USP6NL: variants seen among roughly 807,000 people sequenced by gnomAD.
USP6NL encodes the protein USP6 N-terminal-like protein.
A neutral mutation model predicts 61.9 loss-of-function variants in USP6NL; 26 were observed. That is an observed-to-expected ratio of 0.42 (90% CI 0.31 to 0.58). The LOEUF (loss-of-function observed/expected upper bound fraction) is 0.58, where lower values mean the gene tolerates loss of function less well. Ranked by LOEUF, USP6NL falls within the 20% of genes least tolerant of loss-of-function variation. The pLI is 0.16. For synonymous variants in USP6NL, 432 were observed against 390.1 expected (o/e 1.11, Z -1.27); for missense variants, 1,114 against 1,034.3 (o/e 1.08, Z -1.06).
intron 2 of USP6NL, among the ~76,000 whole-genome samples, chr10:11,590,405 G>A (rs376974283): frequency 2.5e-4 from 38 of 152,160 alleles, no homozygotes; most frequent in African/African-American, 7.7e-4. Flanking sequence ...ATCTATTTGT[G>A]TTCAATGCAA....
At chr10:11,572,685 ATC>A (rs1275506517) in intron 2 of USP6NL, among the ~76,000 whole-genome samples, 10 of 152,108 alleles carry the variant, frequency 6.6e-5, no homozygotes, top group African/African-American at 2.4e-4. Flanking sequence ...TACATTTTAT[ATC>A]TGAGTTATAT....
At chr10:11,530,953 A>C (rs1266560015) in intron 2 of USP6NL, among the ~76,000 whole-genome samples, 2 of 152,222 alleles carry the variant, frequency 1.3e-5, no homozygotes, top group Non-Finnish European at 2.9e-5. Context: ...CGTGTGCCCC[A>C]AAACAGTGAC....
In USP6NL at chr10:11,481,368, T is replaced by C. The variant is rs10905961; in HGVS notation, c.1078+402A>G. 0.041 allele frequency among the ~76,000 whole-genome samples: 6,306 copies of C among 152,292 alleles called. 177 individuals are homozygous for C. The highest frequency in any genetic ancestry group is 0.054 in the Non-Finnish European group (3,681 of 68,018). On this transcript the variant is annotated intron_variant, in intron 14 of 14. Transcript: ENST00000609104. This position sits in a 1 kb window ranked among gnomAD's most constrained non-coding sequence, Gnocchi z 4.4. ...AGGCACTAAAGTATCAATTTCCTCATCTATAAGATGGGGCTTTTACTGTAC... is the reference window on the plus strand; with the variant it reads ...AGGCACTAAAGTATCAATTTCCTCACCTATAAGATGGGGCTTTTACTGTAC...
chr10:11,481,978 A>C lies in USP6NL; in HGVS notation c.926-56T>G, dbSNP rs1833218294. 6.6e-7 allele frequency: 1 copy of C among 1,513,716 alleles called. No individual in the cohort carries two copies. 93.8% of individuals were successfully genotyped at this position (1,513,716 alleles called of 1,614,324 possible). A position where few individuals can be genotyped will look rare whatever the true frequency, so the allele number is the denominator to read the frequency against. ...AAGTCAATAGCTACTTTAGGTAGGAAGATATTCTATTATATTCAGGTGTAG... is the reference window on the plus strand; with the variant it reads ...AAGTCAATAGCTACTTTAGGTAGGACGATATTCTATTATATTCAGGTGTAG... On this transcript the variant is annotated intron_variant, in intron 13 of 14. Transcript: ENST00000609104. This position sits in a 1 kb window ranked among gnomAD's most constrained non-coding sequence, Gnocchi z 4.4.
intron 2 of USP6NL, among the ~76,000 whole-genome samples, chr10:11,555,102 T>TCTG (rs1348817423): frequency 1.5e-5 from 2 of 133,038 alleles, no homozygotes; most frequent in African/African-American, 5.4e-5. Flanking sequence ...GTTTTTTTTT[T>TCTG]TTTTTGGTTT....
chr10:11,508,610 G>A (rs908134382), intron 6 of USP6NL, among the ~76,000 whole-genome samples: 7 of 152,190 alleles, frequency 4.6e-5, no homozygotes, highest in African/African-American at 1.4e-4. Context: ...ACTTAAGAAT[G>A]CCCTCGATGA....
At position 11,540,449 on chromosome 10, in the gene USP6NL, T is replaced by C. The variant is rs1007109656; in HGVS notation, c.5-12882A>G. ...CAACTGCCTTCATGATTAATTCCCATGACTACAGAAAGGGCTCTATTGAAT... is the reference window on the plus strand; with the variant it reads ...CAACTGCCTTCATGATTAATTCCCACGACTACAGAAAGGGCTCTATTGAAT... On this transcript the variant is annotated intron_variant, in intron 2 of 14. Coordinates refer to ENST00000609104, the MANE Select transcript of USP6NL (RefSeq NM_014688.5). This position sits in a 1 kb window ranked among gnomAD's most constrained non-coding sequence, Gnocchi z 5.0. Among the ~76,000 whole-genome samples the C allele has an allele frequency of 2.0e-5, 3 of 152,198 alleles. No homozygotes were observed. The highest frequency in any genetic ancestry group is 4.4e-5 in the Non-Finnish European group (3 of 68,022).
intron 2 of USP6NL, among the ~76,000 whole-genome samples, chr10:11,542,812 C>A (rs1836119757): frequency 6.6e-6 from 1 of 152,042 alleles, no homozygotes; most frequent in African/African-American, 2.4e-5. Context: ...GTCAGAGACC[C>A]CCAGCAACAG....
chr10:11,535,372 T>C (rs12221456), intron 2 of USP6NL, among the ~76,000 whole-genome samples: 27,529 of 152,150 alleles, frequency 0.18, 2,937 homozygotes, highest in South Asian at 0.24. Flanking sequence ...GGGAATGAAC[T>C]AAGAGAAACT....
intron 2 of USP6NL, among the ~76,000 whole-genome samples, chr10:11,527,859 A>G (rs1835482466): frequency 6.6e-6 from 1 of 152,238 alleles, no homozygotes; most frequent in African/African-American, 2.4e-5. Context: ...GATGTTAAGT[A>G]GAAACTGAAA....
chr10:11,509,813 GT>G, intron 5 of USP6NL, 138 bp from the exon 6 acceptor site: 1 of 676,010 alleles, frequency 1.5e-6, no homozygotes, highest in Non-Finnish European at 2.5e-6. Flanking sequence ...CTTGTAAAAA[GT>G]TGGATAATAT....
At position 11,460,624 on chromosome 10, in the gene USP6NL, CATATATAT is replaced by C. The variant is rs57177555; in HGVS notation, c.*1809_*1816del. 5.8e-3 allele frequency: 736 copies of C among 126,650 alleles called. 9 individuals carry two copies. Among genetic ancestry groups the C allele is most frequent in the East Asian group, 0.034 (164 of 4,784 alleles). 7.8% of individuals were successfully genotyped at this position (126,650 alleles called of 1,614,324 possible). On this transcript the variant is annotated 3_prime_UTR_variant, in exon 15 of 15. Transcript: ENST00000609104. Reference sequence around the variant, plus strand: ...CTTGTGTGTATATATATATTTTTTGCATATATATATATATATATATATATATATATAAA... The same window carrying C: ...CTTGTGTGTATATATATATTTTTTGCATATATATATATATATATATATAAA...
intron 2 of USP6NL, among the ~76,000 whole-genome samples, chr10:11,551,599 A>C (rs1055363898): frequency 6.6e-6 from 1 of 152,242 alleles, no homozygotes; most frequent in Non-Finnish European, 1.5e-5. Flanking sequence ...GAGAAAAATG[A>C]GACTTAGAGA....
chr10:11,542,497 TC>T (rs1243881469), intron 2 of USP6NL, among the ~76,000 whole-genome samples: 1 of 152,170 alleles, frequency 6.6e-6, no homozygotes, highest in Admixed American at 6.5e-5. Flanking sequence ...GGCAGGTAGA[TC>T]ACCTAAGGCC....
rs747266558 is a variant in USP6NL, at chr10:11,525,742, G to C, written c.73-274C>G. On this transcript the variant is annotated intron_variant, in intron 3 of 14. Coordinates refer to ENST00000609104, the MANE Select transcript of USP6NL (RefSeq NM_014688.5). The surrounding 1 kb of genome is among the most constrained non-coding windows in gnomAD (Gnocchi z 5.0). The stretch of plus-strand genomic sequence containing the variant: ...AGCCAGGATCAGGCCAGGGTTCCTT[G>C]GGGAAGCTAATGAGGAAAGAAGAGC... 5.3e-5 allele frequency among the ~76,000 whole-genome samples: 8 copies of C among 152,192 alleles called. No individual in the cohort carries two copies. The highest frequency in any genetic ancestry group is 1.3e-4 in the Admixed American group (2 of 15,284).
At chr10:11,514,541 C>T (rs1176614775) in intron 5 of USP6NL, among the ~76,000 whole-genome samples, 1 of 152,150 alleles carries the variant, frequency 6.6e-6, no homozygotes, top group African/African-American at 2.4e-5. Flanking sequence ...GTGGCTTAGA[C>T]TACTTCCCGT....
At chr10:11,566,806 C>G (rs1487408183) in intron 2 of USP6NL, among the ~76,000 whole-genome samples, 1 of 152,226 alleles carries the variant, frequency 6.6e-6, no homozygotes, top group Non-Finnish European at 1.5e-5. Flanking sequence ...CTAAGAGACT[C>G]AGAGACAAGC....
At chr10:11,477,358 A>G (rs1228111241) in intron 14 of USP6NL, among the ~76,000 whole-genome samples, 4 of 152,220 alleles carry the variant, frequency 2.6e-5, no homozygotes, top group African/African-American at 9.6e-5. Context: ...TATAAAAAGA[A>G]CCGTAAGAGA....
chr10:11,597,620 A>T lies in USP6NL; in HGVS notation c.4+11T>A. ...TGAGATGGCTGGAAGGAAAGGAAGCAGCGCACTTACTCATGACTGGAAATG... is the reference window on the plus strand; with the variant it reads ...TGAGATGGCTGGAAGGAAAGGAAGCTGCGCACTTACTCATGACTGGAAATG... On this transcript the variant is annotated intron_variant, in intron 2 of 14. Transcript: ENST00000609104. This position sits in a 1 kb window ranked among gnomAD's most constrained non-coding sequence, Gnocchi z 4.6. The T allele has an allele frequency of 6.4e-7, 1 of 1,551,612 alleles. No homozygotes were observed. The highest frequency in any genetic ancestry group is 8.7e-7 in the Non-Finnish European group (1 of 1,146,892).
Sources: allele counts gnomAD v4.1 joint callset (sites outside exome capture counted in the v4.1 genomes callset), GRCh38; gene constraint gnomAD v4.1.1; non-coding constraint Gnocchi (gnomAD v3.1); transcripts MANE v1.5; gene names NCBI Gene and HGNC (gene_info 2026-07-23, HGNC 2026-07-21).